ROR1: variants seen among roughly 807,000 people sequenced by gnomAD.
The protein encoded by ROR1 is inactive tyrosine-protein kinase transmembrane receptor ROR1.
A neutral mutation model predicts 78.8 loss-of-function variants in ROR1; 19 were observed. The ratio of observed to expected loss-of-function variants is 0.24; its 90% confidence interval spans 0.17 to 0.35. The LOEUF (loss-of-function observed/expected upper bound fraction) is 0.35. Ranked by LOEUF, ROR1 falls within the 10% of genes least tolerant of loss-of-function variation. The pLI is 1.00. For synonymous variants in ROR1, 386 were observed against 433.6 expected, an observed-to-expected ratio of 0.89 and a Z score of 1.36; for missense variants, 917 against 1,177.8, an observed-to-expected ratio of 0.78 and a Z score of 3.24.
chr1:64,048,278 T>A (rs1172072697), intron 2 of ROR1, among the ~76,000 whole-genome samples: 3 of 152,224 alleles, frequency 2.0e-5, no homozygotes, highest in Non-Finnish European at 4.4e-5. Flanking sequence ...TCCAGCCATG[T>A]TTCATGCATT....
chr1:64,055,103 G>C (rs1646863745), intron 4 of ROR1, among the ~76,000 whole-genome samples: 1 of 151,962 alleles, frequency 6.6e-6, no homozygotes, highest in Admixed American at 6.6e-5. Context: ...ACATTCCAAG[G>C]TACCTGGAAA....
intron 1 of ROR1, among the ~76,000 whole-genome samples, chr1:63,914,925 C>A (rs953585670): frequency 2.6e-5 from 4 of 152,046 alleles, no homozygotes; most frequent in African/African-American, 9.7e-5. Flanking sequence ...TCTGGGAGAG[C>A]CTCCTGAGTT....
Position 63,774,346 on chromosome 1 carries a change from C to G in ROR1, c.-72C>G. The G allele has an allele frequency of 9.7e-7, 1 of 1,030,280 alleles. No individual in the cohort carries two copies. The highest frequency in any genetic ancestry group is 1.7e-5 in the South Asian group (1 of 58,240). 63.8% of individuals were successfully genotyped at this position (1,030,280 alleles called of 1,614,324 possible). On this transcript the variant is annotated 5_prime_UTR_variant, in exon 1 of 9. Coordinates refer to ENST00000371079, the MANE Select transcript of ROR1 (RefSeq NM_005012.4). The surrounding 1 kb of genome is among the most constrained non-coding windows in gnomAD (Gnocchi z 5.7). Reference sequence around the variant, plus strand: ...CGGCCGGGACGAGGCGGCCGGGAGCCCGGGAAGAGCCCGTGGATGTTCTGC... The same window carrying G: ...CGGCCGGGACGAGGCGGCCGGGAGCGCGGGAAGAGCCCGTGGATGTTCTGC...
In ROR1 at chr1:63,774,319, A is replaced by G. The variant is rs1448395983; in HGVS notation, c.-99A>G. The G allele has an allele frequency of 1.0e-5, 7 of 698,680 alleles. 1 individual carries two copies. In the South Asian group the frequency reaches 1.0e-4, roughly 10 times the overall value. 43.3% of individuals were successfully genotyped at this position (698,680 alleles called of 1,614,324 possible). On this transcript the variant is annotated 5_prime_UTR_variant, in exon 1 of 9. Coordinates refer to ENST00000371079, the MANE Select transcript of ROR1 (RefSeq NM_005012.4). This position sits in a 1 kb window ranked among gnomAD's most constrained non-coding sequence, Gnocchi z 5.7. The stretch of plus-strand genomic sequence containing the variant: ...ACGTCCCCGGCGTCCTGCGAGCGCC[A>G]GCGGCCGGGACGAGGCGGCCGGGAG...
At chr1:63,980,789 A>G (rs1423662769) in intron 1 of ROR1, among the ~76,000 whole-genome samples, 1 of 152,218 alleles carries the variant, frequency 6.6e-6, no homozygotes, top group East Asian at 1.9e-4. Context: ...GGATGGCCCT[A>G]GTCACACTGG....
At chr1:64,039,763 G>A (rs1363867783) in intron 2 of ROR1, among the ~76,000 whole-genome samples, 1 of 152,132 alleles carries the variant, frequency 6.6e-6, no homozygotes, top group Admixed American at 6.5e-5. Context: ...AACCAGAAAT[G>A]TATTTCAGGC....
intron 1 of ROR1, among the ~76,000 whole-genome samples, chr1:63,936,527 A>C (rs75319537): frequency 0.026 from 3,958 of 152,298 alleles, 175 homozygotes; most frequent in African/African-American, 0.09. Context: ...GTTAAGAATT[A>C]TTTTTTAACG....
At position 63,774,387 on chromosome 1, in the gene ROR1, C is replaced by T; in HGVS notation, c.-31C>T. On this transcript the variant is annotated 5_prime_UTR_variant, in exon 1 of 9. Transcript: ENST00000371079. The surrounding 1 kb of genome is among the most constrained non-coding windows in gnomAD (Gnocchi z 5.7). ...GATGTTCTGCGCGCGGCCTGGGAGC[C>T]GCCGCCGCCGCCGCCTCAGCGAGAG... 1 of 1,168,698 alleles carries T rather than the reference C, an allele frequency of 8.6e-7. No homozygotes were observed. Among genetic ancestry groups the T allele is most frequent in the Non-Finnish European group, 1.1e-6 (1 of 923,354 alleles). The allele number at this position is 1,168,698 out of a possible 1,614,324, so 72.4% of individuals were successfully genotyped here. A position where few individuals can be genotyped will look rare whatever the true frequency, so the allele number is the denominator to read the frequency against.
At chr1:63,934,935 T>G in intron 1 of ROR1, among the ~76,000 whole-genome samples, 1 of 152,218 alleles carries the variant, frequency 6.6e-6, no homozygotes, top group East Asian at 1.9e-4. Flanking sequence ...GGGAGCCAAG[T>G]AACAATTTAT....
At chr1:63,977,341 C>T (rs1646170376) in intron 1 of ROR1, among the ~76,000 whole-genome samples, 1 of 152,144 alleles carries the variant, frequency 6.6e-6, no homozygotes, top group Admixed American at 6.5e-5. Context: ...TGCATTTTGA[C>T]TGTGACCTAT....
At chr1:63,995,145 T>G (rs537021310) in intron 1 of ROR1, among the ~76,000 whole-genome samples, 8 of 152,192 alleles carry the variant, frequency 5.3e-5, no homozygotes, top group Non-Finnish European at 8.8e-5. Context: ...TTCCATCAGA[T>G]GTAAAAGCCA....
At chr1:63,947,664 C>G (rs1294561741) in intron 1 of ROR1, among the ~76,000 whole-genome samples, 1 of 151,986 alleles carries the variant, frequency 6.6e-6, no homozygotes, top group Admixed American at 6.5e-5. Flanking sequence ...GAGCTGGTGT[C>G]AGCTAGAAGA....
intron 1 of ROR1, among the ~76,000 whole-genome samples, chr1:63,897,230 A>G (rs1009631589): frequency 2.6e-5 from 4 of 152,232 alleles, no homozygotes; most frequent in Non-Finnish European, 5.9e-5. Flanking sequence ...TACTATTTTT[A>G]AAAATGTAAC....
At chr1:63,964,493 C>G (rs1431183633) in intron 1 of ROR1, among the ~76,000 whole-genome samples, 3 of 152,186 alleles carry the variant, frequency 2.0e-5, no homozygotes, top group African/African-American at 7.2e-5. Flanking sequence ...TTATACAAAT[C>G]TTATTGTATG....
At chr1:63,956,484 A>G (rs139750330) in intron 1 of ROR1, among the ~76,000 whole-genome samples, 3 of 152,320 alleles carry the variant, frequency 2.0e-5, no homozygotes, top group African/African-American at 7.2e-5. Context: ...AGGGCTTGAC[A>G]TAGTACATAG....
At chr1:63,969,757 A>G (rs1646104614) in intron 1 of ROR1, among the ~76,000 whole-genome samples, 1 of 151,776 alleles carries the variant, frequency 6.6e-6, no homozygotes, top group African/African-American at 2.4e-5. Context: ...TTTTTAATCT[A>G]ACCACTACCT....
At chr1:64,062,889 C>T (rs546887603) in intron 4 of ROR1, among the ~76,000 whole-genome samples, 38 of 152,114 alleles carry the variant, frequency 2.5e-4, no homozygotes, top group African/African-American at 8.0e-4. Context: ...AATTAGCCTT[C>T]GACTTTGTAG....
rs36006598 is a variant in ROR1, at chr1:64,151,882, CA to C, written c.1175-7085del. On this transcript the variant is annotated intron_variant, in intron 7 of 8. Coordinates refer to ENST00000371079, the MANE Select transcript of ROR1 (RefSeq NM_005012.4). ...TCGGTGACAGAGCGACACTCCGTCT[CA>C]AAAAAAAAAAAAAGTTCAGTAAGGG... 4.4e-4 allele frequency among the ~76,000 whole-genome samples: 62 copies of C among 141,166 alleles called. 3 individuals are homozygous for C. In the South Asian group the frequency reaches 4.7e-3, roughly 11 times the overall value. The allele number at this position is 141,166 out of a possible 152,430, so 92.6% of individuals were successfully genotyped here.
chr1:63,783,669 G>C (rs777883356), intron 1 of ROR1, among the ~76,000 whole-genome samples: 1 of 152,202 alleles, frequency 6.6e-6, no homozygotes, highest in Non-Finnish European at 1.5e-5. Flanking sequence ...GAAAATACAA[G>C]ACGAACTGTC....
Sources: allele counts gnomAD v4.1 joint callset (sites outside exome capture counted in the v4.1 genomes callset), GRCh38; gene constraint gnomAD v4.1.1; non-coding constraint Gnocchi (gnomAD v3.1); transcripts MANE v1.5; gene names NCBI Gene and HGNC (gene_info 2026-07-23, HGNC 2026-07-21).